RAB30: variants seen among roughly 807,000 people sequenced by gnomAD.
The protein encoded by RAB30 is ras-related protein Rab-30.
In RAB30, 9 loss-of-function variants were observed where a neutral mutation model predicts 25.1. The observed-to-expected ratio is 0.36, with a 90% CI of 0.22 to 0.63. RAB30 has a LOEUF of 0.63. RAB30 is among the 20% of genes least tolerant of loss of function. RAB30 has a pLI of 0.69. For missense variants in RAB30, 140 were observed against 243.5 expected (o/e 0.58, Z 2.83); for synonymous variants, 77 against 86.4 (o/e 0.89, Z 0.60).
At chr11:83,062,351 A>T (rs1448212958) in intron 1 of RAB30, among the ~76,000 whole-genome samples, 1 of 152,232 alleles carries the variant, frequency 6.6e-6, no homozygotes, top group African/African-American at 2.4e-5. Flanking sequence ...GAAGACTCTC[A>T]TTAAAAGATA....
At position 82,981,951 on chromosome 11, in the gene RAB30, T is replaced by G; in HGVS notation, c.*214A>C. The stretch of plus-strand genomic sequence containing the variant: ...GTGCCTAGTGCAATTTTCTCCTTGC[T>G]CCAACTCCAGACTGGAAAAGGGTGA... On this transcript the variant is annotated 3_prime_UTR_variant, in exon 5 of 5. Transcript: ENST00000527633. 1.6e-6 allele frequency: 1 copy of G among 607,862 alleles called. No individual in the cohort carries two copies. Among genetic ancestry groups the G allele is most frequent in the Non-Finnish European group, 2.8e-6 (1 of 354,658 alleles). 37.7% of individuals were successfully genotyped at this position (607,862 alleles called of 1,614,324 possible).
intron 1 of RAB30, among the ~76,000 whole-genome samples, chr11:83,030,541 T>C (rs1177660199): frequency 2.0e-5 from 3 of 152,036 alleles, no homozygotes; most frequent in Non-Finnish European, 4.4e-5. Flanking sequence ...CTCACCCCTA[T>C]AATCCCAGCA....
intron 1 of RAB30, among the ~76,000 whole-genome samples, chr11:83,031,532 C>T (rs866994060): frequency 1.5e-4 from 21 of 143,718 alleles, no homozygotes; most frequent in African/African-American, 4.4e-4. Flanking sequence ...CTTTTTTTTT[C>T]TTTTTTTTTT....
intron 1 of RAB30, among the ~76,000 whole-genome samples, chr11:83,012,088 C>T (rs1005824554): frequency 1.3e-5 from 2 of 152,130 alleles, no homozygotes; most frequent in Admixed American, 6.5e-5. Context: ...TCAACACAAA[C>T]TGATGATTCA....
intron 1 of RAB30, among the ~76,000 whole-genome samples, chr11:83,037,859 G>C (rs369411563): frequency 2.1e-4 from 32 of 152,274 alleles, no homozygotes; most frequent in African/African-American, 6.5e-4. Context: ...AATCTGAAAG[G>C]ATGCCTTAGG....
At chr11:83,003,783 T>TAA (rs879774896) in intron 1 of RAB30, among the ~76,000 whole-genome samples, 10 of 149,248 alleles carry the variant, frequency 6.7e-5, no homozygotes, top group Non-Finnish European at 3.0e-5. Flanking sequence ...TTTGTTAATT[T>TAA]AAAAAAAAAA....
chr11:83,062,846 C>CA (rs1254264909), intron 1 of RAB30, among the ~76,000 whole-genome samples: 1 of 151,100 alleles, frequency 6.6e-6, no homozygotes, highest in East Asian at 1.9e-4. Context: ...ACTAAAAATA[C>CA]AAAAAAATTA....
chr11:83,025,413 CCA>C (rs1857686656), intron 1 of RAB30, among the ~76,000 whole-genome samples: 1 of 152,190 alleles, frequency 6.6e-6, no homozygotes, highest in African/African-American at 2.4e-5. Context: ...GTAAAAAACA[CCA>C]GACTTGAAAG....
In RAB30 at chr11:82,973,676, G is replaced by GT. The variant is rs1856493116; in HGVS notation, c.*8488dup. On this transcript the variant is annotated 3_prime_UTR_variant, in exon 5 of 5. Transcript: ENST00000527633. ...CTAATTGATCAATTAAACTAAGATCGTAAGTTGCACTCTCCAAACAGGATT... is the reference window on the plus strand; with the variant it reads ...CTAATTGATCAATTAAACTAAGATCGTTAAGTTGCACTCTCCAAACAGGATT... 1 of 152,144 alleles carries GT rather than the reference G, an allele frequency of 6.6e-6. No individual in the cohort carries two copies. The highest frequency in any genetic ancestry group is 1.5e-5 in the Non-Finnish European group (1 of 68,008). The allele number at this position is 152,144 out of a possible 1,614,324, so 9.4% of individuals were successfully genotyped here. A position where few individuals can be genotyped will look rare whatever the true frequency, so the allele number is the denominator to read the frequency against.
intron 1 of RAB30, among the ~76,000 whole-genome samples, chr11:83,062,236 A>T (rs561090818): frequency 6.6e-6 from 1 of 152,176 alleles, no homozygotes; most frequent in Non-Finnish European, 1.5e-5. Flanking sequence ...CCTTACTGAA[A>T]ATTGGTTCCT....
chr11:82,993,076 C>T (rs185169778), intron 3 of RAB30, among the ~76,000 whole-genome samples: 16 of 152,328 alleles, frequency 1.1e-4, no homozygotes, highest in South Asian at 2.1e-4. Flanking sequence ...GTAACTCTGA[C>T]GGCAGGTAGA....
At chr11:83,031,063 G>A (rs1391728324) in intron 1 of RAB30, among the ~76,000 whole-genome samples, 1 of 152,242 alleles carries the variant, frequency 6.6e-6, no homozygotes, top group Non-Finnish European at 1.5e-5. Flanking sequence ...ACCATGCAAG[G>A]AGGTGGAAAG....
intron 3 of RAB30, among the ~76,000 whole-genome samples, chr11:82,992,636 AG>A (rs1356071704): frequency 6.6e-6 from 1 of 152,002 alleles, no homozygotes; most frequent in Non-Finnish European, 1.5e-5. Flanking sequence ...CTAAAATGCC[AG>A]TTTTCATTGT....
chr11:83,045,639 G>A (rs1590873260), intron 1 of RAB30, among the ~76,000 whole-genome samples: 2 of 152,098 alleles, frequency 1.3e-5, no homozygotes, highest in South Asian at 4.1e-4. Flanking sequence ...TGGTGGCTTT[G>A]GACAAAATTG....
At chr11:83,068,801 T>C (rs1858766511) in intron 1 of RAB30, among the ~76,000 whole-genome samples, 1 of 152,244 alleles carries the variant, frequency 6.6e-6, no homozygotes, top group Non-Finnish European at 1.5e-5. Context: ...TCTTGAAGTG[T>C]CACTTCCTAT....
intron 1 of RAB30, among the ~76,000 whole-genome samples, chr11:83,038,585 C>A (rs558104562): frequency 5.9e-5 from 9 of 152,096 alleles, no homozygotes; most frequent in Non-Finnish European, 1.3e-4. Flanking sequence ...CTTTGGGAGG[C>A]CAAGGCAGGC....
chr11:83,043,550 A>G (rs1858175409), intron 1 of RAB30, among the ~76,000 whole-genome samples: 1 of 152,226 alleles, frequency 6.6e-6, no homozygotes, highest in Non-Finnish European at 1.5e-5. Context: ...CTAAGGCATG[A>G]TAATGGTATT....
At chr11:83,005,958 A>T (rs66653310) in intron 1 of RAB30, among the ~76,000 whole-genome samples, 40,775 of 142,164 alleles carry the variant, frequency 0.29, 5,905 homozygotes, top group East Asian at 0.32. Flanking sequence ...TTTTTTTTTT[A>T]AAAAACTGAT....
chr11:82,978,264 A>G lies in RAB30; in HGVS notation c.*3901T>C, dbSNP rs1244889262. On this transcript the variant is annotated 3_prime_UTR_variant, in exon 5 of 5. Transcript: ENST00000527633. ...TGGCAAACTCTAGAAGATCTCTCCC[A>G]GAGGCTAATAGAGCAATGATCCCTA... 2 of 152,228 alleles carry G rather than the reference A, an allele frequency of 1.3e-5. No individual in the cohort carries two copies. Among genetic ancestry groups the G allele is most frequent in the African/African-American group, 2.4e-5 (1 of 41,464 alleles). The allele number at this position is 152,228 out of a possible 1,614,324, so 9.4% of individuals were successfully genotyped here.
Sources: gnomAD v4.1 joint callset for allele counts (sites outside exome capture counted in the v4.1 genomes callset) on GRCh38, gnomAD v4.1.1 for gene constraint, MANE v1.5 for transcripts, NCBI Gene and HGNC (gene_info 2026-07-23, HGNC 2026-07-21) for gene names.